B4GALNT3: variants seen among roughly 807,000 people sequenced by gnomAD.
The protein encoded by B4GALNT3 is beta-1,4-N-acetyl-galactosaminyltransferase 3.
B4GALNT3 carries 86 observed loss-of-function variants against 120.2 expected under a neutral mutation model. That is an observed-to-expected ratio of 0.72 (90% CI 0.60 to 0.86). The LOEUF is 0.86. B4GALNT3 is among the 40% of genes least tolerant of loss of function. The pLI is 0.00. For missense variants in B4GALNT3, 1,167 were observed against 1,298.9 expected (o/e 0.90, Z 1.56); for synonymous variants, 518 against 510.4 (o/e 1.01, Z -0.20).
chr12:556,497 C>T (rs1947157535), intron 14 of B4GALNT3, 50 bp from the exon 15 acceptor site: 1 of 1,533,102 alleles, frequency 6.5e-7, no homozygotes, highest in Non-Finnish European at 9.0e-7. Context: ...CCGTGCTACC[C>T]TCCCAGTGTG....
chr12:552,524 G>A lies in B4GALNT3; in HGVS notation c.1266G>A (p.Gln422=), dbSNP rs550575420. 1.2e-5 allele frequency: 19 copies of A among 1,613,652 alleles called. No homozygotes were observed. The highest frequency in any genetic ancestry group is 1.5e-5 in the Non-Finnish European group (18 of 1,179,892). The part of the protein sequence containing the change: ...IDQPEKQGLE[Q]PGFEENLLEE... ...AGCCTGAGAAGCAGGGGCTGGAGCA[G>A]CCAGGTACAGAGTGACAGCTGAGGC... Residue 422 remains glutamine (Q), a synonymous_variant, in exon 13 of 20, where the codon CAG becomes CAA. Transcript: ENST00000266383.
intron 1 of B4GALNT3, among the ~76,000 whole-genome samples, chr12:499,414 G>C (rs1051662735): frequency 8.6e-5 from 13 of 150,732 alleles, no homozygotes; most frequent in Non-Finnish European, 1.6e-4. Context: ...CTAGCCCGTG[G>C]AGCCCGTGCT....
At chr12:503,048 T>C (rs11063306) in intron 1 of B4GALNT3, among the ~76,000 whole-genome samples, 55,191 of 152,062 alleles carry the variant, frequency 0.36, 13,255 homozygotes, top group African/African-American at 0.67. Flanking sequence ...TGTGAGCCAC[T>C]GTGCCCTCCT....
At chr12:472,047 C>CA (rs1421469889) in intron 1 of B4GALNT3, among the ~76,000 whole-genome samples, 9 of 150,354 alleles carry the variant, frequency 6.0e-5, no homozygotes, top group Admixed American at 5.3e-4. Flanking sequence ...TGTTGTTATT[C>CA]GGGTGTGTGT....
At chr12:485,319 A>G (rs1177054095) in intron 1 of B4GALNT3, among the ~76,000 whole-genome samples, 2 of 152,206 alleles carry the variant, frequency 1.3e-5, no homozygotes, top group African/African-American at 4.8e-5. Flanking sequence ...GTTGAGAGAA[A>G]AGGAGGGAGA....
At chr12:549,723 G>A (rs375522167) in intron 9 of B4GALNT3, 46 bp from the exon 10 acceptor site, 38 of 1,611,782 alleles carry the variant, frequency 2.4e-5, no homozygotes, top group Admixed American at 8.3e-5. Flanking sequence ...GGGCTGCTGC[G>A]CTCCAGGCCA....
chr12:513,780 G>A (rs370082711), intron 1 of B4GALNT3, among the ~76,000 whole-genome samples: 24 of 152,260 alleles, frequency 1.6e-4, no homozygotes, highest in African/African-American at 2.9e-4. Flanking sequence ...GTATAGACGC[G>A]GTCTCCCTAT....
At chr12:473,215 TCCTCAGCCTCCCAAAGTG>T (rs141464148) in intron 1 of B4GALNT3, among the ~76,000 whole-genome samples, 15,781 of 151,388 alleles carry the variant, frequency 0.1, 1,253 homozygotes, top group East Asian at 0.3. Flanking sequence ...CAATCCTCTT[TCCTCAGCCTCCCAAAGTG>T]CTGAGATTAC....
At chr12:509,985 G>A (rs1233335751) in intron 1 of B4GALNT3, among the ~76,000 whole-genome samples, 1 of 152,162 alleles carries the variant, frequency 6.6e-6, no homozygotes, top group East Asian at 1.9e-4. Context: ...TTGAGTCCTT[G>A]TTTGGCATAC....
At chr12:474,294 G>A (rs1216855959) in intron 1 of B4GALNT3, among the ~76,000 whole-genome samples, 1 of 152,190 alleles carries the variant, frequency 6.6e-6, no homozygotes, top group Non-Finnish European at 1.5e-5. Context: ...AGTATGGGGG[G>A]ATGGGGGATG....
In B4GALNT3 at chr12:535,322, A is replaced by T. The variant is rs1592046248; in HGVS notation, c.273+53A>T. ...TGCTGATGCCTTAACAAAGGTCCGC[A>T]GGTGCTCTGCCCAGTTGCCTTAAGG... On this transcript the variant is annotated intron_variant, in intron 2 of 19. Coordinates refer to ENST00000266383, the MANE Select transcript of B4GALNT3 (RefSeq NM_173593.4). The T allele has an allele frequency of 2.7e-6, 4 of 1,506,970 alleles. No individual in the cohort carries two copies. The East Asian group carries it at 9.1e-5, about 34-fold the overall frequency. 93.3% of individuals were successfully genotyped at this position (1,506,970 alleles called of 1,614,324 possible). A position where few individuals can be genotyped will look rare whatever the true frequency, so the allele number is the denominator to read the frequency against.
chr12:505,739 G>C (rs769167735), intron 1 of B4GALNT3, among the ~76,000 whole-genome samples: 5 of 152,202 alleles, frequency 3.3e-5, no homozygotes, highest in Admixed American at 6.5e-5. Flanking sequence ...CAGGATTGCT[G>C]TCTGCAGAGA....
At position 535,183 on chromosome 12, in the gene B4GALNT3, G is replaced by C. The variant is rs1592046160; in HGVS notation, c.187G>C (p.Glu63Gln). 6.2e-7 allele frequency: 1 copy of C among 1,613,218 alleles called. No homozygotes were observed. Among genetic ancestry groups the C allele is most frequent in the Non-Finnish European group, 8.5e-7 (1 of 1,179,674 alleles). Reference sequence around the variant, plus strand: ...TTCCACAGGGTACGGCAGCTGGAGAGAACTGGCCAAGGCTCTGGCCAGCAG... The same window carrying C: ...TTCCACAGGGTACGGCAGCTGGAGACAACTGGCCAAGGCTCTGGCCAGCAG... ...PLNRRYGSWR[E>Q]LAKALASRNI... Residue 63 changes from glutamate (E) to glutamine (Q), a missense_variant, in exon 2 of 20, where the codon GAA becomes CAA. By Grantham distance (29) the Glu-to-Gln change is conservative (BLOSUM62 2). Coordinates refer to ENST00000266383, the MANE Select transcript of B4GALNT3 (RefSeq NM_173593.4).
intron 1 of B4GALNT3, among the ~76,000 whole-genome samples, chr12:533,887 G>C (rs1946832436): frequency 1.3e-5 from 2 of 152,188 alleles, no homozygotes; most frequent in South Asian, 4.1e-4. Context: ...CTCGTGCATA[G>C]CGTGGGTGGC....
At chr12:507,809 C>T (rs1946512614) in intron 1 of B4GALNT3, among the ~76,000 whole-genome samples, 2 of 146,440 alleles carry the variant, frequency 1.4e-5, no homozygotes, top group African/African-American at 2.8e-5. Flanking sequence ...GCTTGGTGGA[C>T]GTCTGTCCCT....
chr12:519,777 T>G (rs1946688675), intron 1 of B4GALNT3, among the ~76,000 whole-genome samples: 1 of 152,190 alleles, frequency 6.6e-6, no homozygotes, highest in Admixed American at 6.5e-5. Context: ...GTTGAGCGAC[T>G]GCTGTTTCTT....
At chr12:490,789 G>C (rs943683426) in intron 1 of B4GALNT3, among the ~76,000 whole-genome samples, 5 of 151,530 alleles carry the variant, frequency 3.3e-5, no homozygotes, top group Admixed American at 3.3e-4. Flanking sequence ...AGATGAAATG[G>C]ACCAATTCTT....
intron 3 of B4GALNT3, among the ~76,000 whole-genome samples, chr12:543,809 G>A (rs111301261): frequency 3.1e-5 from 4 of 130,082 alleles, no homozygotes; most frequent in African/African-American, 8.9e-5. Context: ...TCATCTTCCC[G>A]GAGCTGAGGA....
intron 1 of B4GALNT3, among the ~76,000 whole-genome samples, chr12:511,729 TC>T (rs1398602571): frequency 1.5e-4 from 6 of 40,188 alleles, no homozygotes; most frequent in African/African-American, 4.7e-4. Context: ...CCTTCCACCT[TC>T]CTTCCACCTT....
Sources: gnomAD v4.1 joint callset for allele counts (sites outside exome capture counted in the v4.1 genomes callset) on GRCh38, gnomAD v4.1.1 for gene constraint, MANE v1.5 for transcripts, NCBI Gene and HGNC (gene_info 2026-07-23, HGNC 2026-07-21) for gene names.